MILR1: variants seen among roughly 807,000 people sequenced by gnomAD.
MILR1 encodes allergin-1.
MILR1 carries 31 observed loss-of-function variants against 18.5 expected under a neutral mutation model. That is an observed-to-expected ratio of 1.68 (90% CI 1.26 to 2.26). MILR1 has a LOEUF of 2.26. Among genes scored for constraint, MILR1 ranks in the 30% most tolerant of loss-of-function variants. The pLI is 0.00. For missense variants in MILR1, 257 were observed against 157.4 expected (o/e 1.63, Z -3.38); for synonymous variants, 85 against 56.2 (o/e 1.51, Z -2.30).
chr17:64,496,828 G>A, the MILR1 span: 3 of 1,613,750 alleles, frequency 1.9e-6, no homozygotes, highest in African/African-American at 1.3e-5. Flanking sequence ...CGAGCTCCGC[G>A]TGCGACTTCA....
intron 4 of MILR1, among the ~76,000 whole-genome samples, chr17:64,460,506 TTTTATTTA>T (rs1434710252): frequency 6.6e-6 from 1 of 151,902 alleles, no homozygotes; most frequent in Non-Finnish European, 1.5e-5. Context: ...CCTGGCTAAT[TTTTATTTA>T]TTTATTTATT....
At chr17:64,496,904 C>T in the MILR1 span, 2 of 1,612,956 alleles carry the variant, frequency 1.2e-6, no homozygotes, top group Non-Finnish European at 1.7e-6. Flanking sequence ...TACTCGACCC[C>T]CAAACCCAGA....
At chr17:64,490,825 T>C in the MILR1 span, 8 of 1,613,438 alleles carry the variant, frequency 5.0e-6, no homozygotes, top group African/African-American at 2.7e-5. Flanking sequence ...CCAGGATACA[T>C]GTGTAAAAGT....
chr17:64,456,695 C>T (rs2037308630), intron 3 of MILR1, among the ~76,000 whole-genome samples: 1 of 151,978 alleles, frequency 6.6e-6, no homozygotes, highest in African/African-American at 2.4e-5. Flanking sequence ...GTCCCAGCTA[C>T]AGAGGCTGAG....
chr17:64,493,756 G>A, the MILR1 span, among the ~76,000 whole-genome samples: 4 of 152,198 alleles, frequency 2.6e-5, no homozygotes, highest in East Asian at 7.7e-4. Context: ...AAAGTGCTGG[G>A]ATTACAGGCG....
intron 3 of MILR1, among the ~76,000 whole-genome samples, chr17:64,456,418 C>G (rs1028763470): frequency 6.6e-6 from 1 of 152,008 alleles, no homozygotes; most frequent in Admixed American, 6.6e-5. Context: ...TTGAGAATTT[C>G]TCTTGAATCT....
the MILR1 span, among the ~76,000 whole-genome samples, chr17:64,493,965 A>G: frequency 6.6e-6 from 1 of 152,212 alleles, no homozygotes; most frequent in Non-Finnish European, 1.5e-5. Flanking sequence ...ATATACCATT[A>G]TAACACCATA....
At position 64,457,420 on chromosome 17, in the gene MILR1, C is replaced by CATAA. The variant is rs2037324604; in HGVS notation, c.388_389insATAA (p.Leu130HisfsTer34). 2 of 475,288 alleles carry CATAA rather than the reference C, an allele frequency of 4.2e-6. No individual in the cohort carries two copies. The highest frequency in any genetic ancestry group is 7.7e-6 in the Non-Finnish European group (2 of 259,080). 29.4% of individuals were successfully genotyped at this position (475,288 alleles called of 1,614,324 possible). A position where few individuals can be genotyped will look rare whatever the true frequency, so the allele number is the denominator to read the frequency against. ...TCCAGACCCGGTGACTTCCCCAGTG[C>CATAA]TGAACATTATGGTCATTCAAACAGA... On this transcript the variant is annotated frameshift_variant, in exon 4 of 10. Coordinates refer to ENST00000619286, the MANE Select transcript of MILR1 (RefSeq NM_001085423.2). LOFTEE classifies it high-confidence loss of function.
chr17:64,494,113 C>T, the MILR1 span, among the ~76,000 whole-genome samples: 1 of 152,128 alleles, frequency 6.6e-6, no homozygotes, highest in African/African-American at 2.4e-5. Flanking sequence ...TTTCTTTCAT[C>T]CATTTGAATC....
At chr17:64,470,908 G>A (rs2037678529), downstream of MILR1, among the ~76,000 whole-genome samples, 1 of 152,184 alleles carries the variant, frequency 6.6e-6, no homozygotes, top group Non-Finnish European at 1.5e-5. Context: ...TCAAGTGCTG[G>A]AATGCTGGCG....
intron 2 of MILR1, among the ~76,000 whole-genome samples, chr17:64,451,400 C>T (rs1054375330): frequency 7.4e-4 from 113 of 152,160 alleles, no homozygotes; most frequent in African/African-American, 2.6e-3. Flanking sequence ...CTCAGCCTCC[C>T]AAATTGCTGG....
intron 3 of MILR1, among the ~76,000 whole-genome samples, chr17:64,454,190 A>G (rs994156986): frequency 6.6e-6 from 1 of 150,480 alleles, no homozygotes; most frequent in Non-Finnish European, 1.5e-5. Context: ...CAGCCTCCCA[A>G]AGTGCTGGGA....
At chr17:64,451,037 A>G (rs1319239154) in intron 2 of MILR1, among the ~76,000 whole-genome samples, 8 of 152,280 alleles carry the variant, frequency 5.3e-5, no homozygotes, top group Admixed American at 4.6e-4. Flanking sequence ...CCCTCCCAAC[A>G]AGGCTGATCG....
At chr17:64,495,086 G>A in the MILR1 span, among the ~76,000 whole-genome samples, 26 of 151,426 alleles carry the variant, frequency 1.7e-4, no homozygotes, top group Non-Finnish European at 3.2e-4. Context: ...GCTGAGGCAG[G>A]AGAATGGCGT....
chr17:64,497,243 G>A, the MILR1 span, among the ~76,000 whole-genome samples: 1 of 152,246 alleles, frequency 6.6e-6, no homozygotes, highest in Non-Finnish European at 1.5e-5. Flanking sequence ...TTCCTCGTAA[G>A]CACCAGTAAA....
At chr17:64,476,042 G>A in the MILR1 span, among the ~76,000 whole-genome samples, 2 of 151,574 alleles carry the variant, frequency 1.3e-5, no homozygotes, top group Non-Finnish European at 2.9e-5. Context: ...CCTGACCGCA[G>A]GTAATCCACC....
intron 3 of MILR1, among the ~76,000 whole-genome samples, chr17:64,453,312 G>A (rs1401688888): frequency 4.6e-5 from 7 of 151,702 alleles, no homozygotes; most frequent in Non-Finnish European, 8.8e-5. Context: ...CAGGTGATCC[G>A]CCTGCCTCAG....
the MILR1 span, chr17:64,492,890 T>C: frequency 6.2e-7 from 1 of 1,614,134 alleles, no homozygotes; most frequent in Non-Finnish European, 8.5e-7. Context: ...TGCCACTTTT[T>C]ATACCTTTTA....
the MILR1 span, chr17:64,496,671 C>G: frequency 1.9e-6 from 3 of 1,613,992 alleles, no homozygotes; most frequent in East Asian, 2.2e-5. Flanking sequence ...CCCAAGGGTC[C>G]GAAGCCGGGG....
Sources: gnomAD v4.1 joint callset for allele counts (sites outside exome capture counted in the v4.1 genomes callset) on GRCh38, gnomAD v4.1.1 for gene constraint, MANE v1.5 for transcripts, NCBI Gene and HGNC (gene_info 2026-07-23, HGNC 2026-07-21) for gene names.